The following PCDHA10 variants were observed in gnomAD, a reference collection of about 807,000 sequenced individuals.
The protein encoded by PCDHA10 is protocadherin alpha 10.
PCDHA10 carries 45 observed loss-of-function variants against 61.2 expected under a neutral mutation model. That is an observed-to-expected ratio of 0.74 (90% CI 0.58 to 0.94). The LOEUF (loss-of-function observed/expected upper bound fraction) is 0.94, where lower values mean the gene tolerates loss of function less well. Ranked by LOEUF, PCDHA10 falls within the 40% of genes least tolerant of loss-of-function variation. The pLI, the probability that PCDHA10 is intolerant of heterozygous loss-of-function variation, is 0.00. For missense variants in PCDHA10, 1,278 were observed against 1,236.2 expected (o/e 1.03, Z -0.51); for synonymous variants, 602 against 548.8 (o/e 1.10, Z -1.35).
intron 1 of PCDHA10, chr5:140,870,398 C>T: frequency 1.2e-6 from 2 of 1,614,234 alleles, no homozygotes; most frequent in Non-Finnish European, 1.7e-6. Context: ...GGGGGTTCGC[C>T]TTCTCTGTGG....
Position 140,982,278 on chromosome 5 carries a change from A to G in PCDHA10, c.2448-197A>G, listed in dbSNP as rs997424016. On this transcript the variant is annotated intron_variant, in intron 2 of 3. Transcript: ENST00000307360. ...ATGTGTGTTCCTGGAATAGTATAGC[A>G]GGCAATAAGTAAGTCAGCAATGCTT... 8.2e-6 allele frequency: 8 copies of G among 980,114 alleles called. No homozygotes were observed. In the South Asian group the frequency reaches 1.1e-4, roughly 14 times the overall value. The allele number at this position is 980,114 out of a possible 1,614,324, so 60.7% of individuals were successfully genotyped here.
chr5:140,933,064 A>G (rs2088836698), intron 1 of PCDHA10, among the ~76,000 whole-genome samples: 1 of 152,030 alleles, frequency 6.6e-6, no homozygotes, highest in African/African-American at 2.4e-5. Context: ...GATCCTGACT[A>G]AAGTATTATG....
intron 3 of PCDHA10, among the ~76,000 whole-genome samples, chr5:140,984,755 A>G (rs1554246508): frequency 6.6e-6 from 1 of 152,172 alleles, no homozygotes; most frequent in Admixed American, 6.5e-5. Flanking sequence ...TTTGAGTTGA[A>G]TTCTAATCCC....
At chr5:140,920,713 G>A (rs140720388) in intron 1 of PCDHA10, among the ~76,000 whole-genome samples, 41 of 152,140 alleles carry the variant, frequency 2.7e-4, no homozygotes, top group African/African-American at 9.6e-4. Context: ...GCATGGTGGT[G>A]TGCGCCTGCA....
chr5:140,910,055 T>A (rs1554194090), intron 1 of PCDHA10, among the ~76,000 whole-genome samples: 1 of 152,218 alleles, frequency 6.6e-6, no homozygotes, highest in Non-Finnish European at 1.5e-5. Flanking sequence ...TAATAAGTGA[T>A]CTTTTAACAG....
At chr5:140,883,331 T>C (rs782330597) in intron 1 of PCDHA10, 1 of 1,614,064 alleles carries the variant, frequency 6.2e-7, no homozygotes, top group East Asian at 2.2e-5. Flanking sequence ...CATCACTTCT[T>C]TGTCACTCCC....
chr5:140,869,737 C>T (rs781857700), intron 1 of PCDHA10: 4 of 1,613,276 alleles, frequency 2.5e-6, no homozygotes, highest in Admixed American at 1.7e-5. Context: ...TAATTTGCTG[C>T]TAACAGCTAC....
intron 1 of PCDHA10, among the ~76,000 whole-genome samples, chr5:140,907,826 C>T (rs1448630927): frequency 6.6e-6 from 1 of 152,192 alleles, no homozygotes; most frequent in Non-Finnish European, 1.5e-5. Context: ...TCATCCTATC[C>T]ACTTGTTTAT....
intron 1 of PCDHA10, chr5:140,862,685 C>A (rs782248340): frequency 7.2e-6 from 4 of 552,774 alleles, no homozygotes; most frequent in Non-Finnish European, 1.4e-5. Context: ...GTGCTGGTGT[C>A]CTACTCGTTG....
intron 1 of PCDHA10, among the ~76,000 whole-genome samples, chr5:140,940,172 C>T (rs1177302028): frequency 6.6e-6 from 1 of 152,102 alleles, no homozygotes; most frequent in Non-Finnish European, 1.5e-5. Flanking sequence ...AAATGTCATT[C>T]TTGATAGATA....
At chr5:140,891,888 T>C (rs1562860973) in intron 1 of PCDHA10, among the ~76,000 whole-genome samples, 1 of 152,212 alleles carries the variant, frequency 6.6e-6, no homozygotes, top group Non-Finnish European at 1.5e-5. Context: ...CATGTGACGA[T>C]GCAGCAAGAA....
At chr5:140,990,007 C>T (rs1188956345) in intron 3 of PCDHA10, among the ~76,000 whole-genome samples, 2 of 151,870 alleles carry the variant, frequency 1.3e-5, no homozygotes, top group African/African-American at 2.4e-5. Flanking sequence ...TCTCCAAGGG[C>T]GTGGGCTAGG....
At chr5:140,882,208 G>C (rs1554173113) in intron 1 of PCDHA10, 2 of 1,531,598 alleles carry the variant, frequency 1.3e-6, no homozygotes, top group East Asian at 4.5e-5. Flanking sequence ...GGCCTTGAGA[G>C]ACAGTTTGAG....
Position 140,856,437 on chromosome 5 carries a change from C to T in PCDHA10, c.389C>T (p.Pro130Leu), listed in dbSNP as rs2043996083. The change falls in exon 1 of 4, where the codon CCC becomes CTC. Residue 130 changes from proline (P) to leucine (L), a missense_variant. Physicochemically the swap from Pro to Leu is moderately conservative, Grantham distance 98. Coordinates refer to ENST00000307360, the MANE Select transcript of PCDHA10 (RefSeq NM_018901.4). Reference protein sequence around the residue: ...VEVKDINDNPPRFSVTEQKLS... With the variant: ...VEVKDINDNPLRFSVTEQKLS... The stretch of plus-strand genomic sequence containing the variant: ...GTGAAGGACATTAACGACAACCCGC[C>T]CAGGTTCTCCGTAACAGAACAAAAG... 1.9e-6 allele frequency: 3 copies of T among 1,598,304 alleles called. No individual in the cohort carries two copies. Among genetic ancestry groups the T allele is most frequent in the Non-Finnish European group, 1.7e-6 (2 of 1,167,916 alleles).
At chr5:140,950,458 A>G (rs568340492) in intron 1 of PCDHA10, among the ~76,000 whole-genome samples, 5 of 152,142 alleles carry the variant, frequency 3.3e-5, no homozygotes, top group Admixed American at 2.6e-4. Flanking sequence ...CTGTCTTCTA[A>G]TGCTCATAGT....
intron 1 of PCDHA10, among the ~76,000 whole-genome samples, chr5:140,892,088 C>T (rs782787174): frequency 1.3e-5 from 2 of 152,122 alleles, no homozygotes; most frequent in Non-Finnish European, 2.9e-5. Flanking sequence ...AGTTTCCTCT[C>T]GAAACTTTCA....
At chr5:140,948,313 G>T (rs1554218515) in intron 1 of PCDHA10, among the ~76,000 whole-genome samples, 2 of 151,362 alleles carry the variant, frequency 1.3e-5, no homozygotes, top group Non-Finnish European at 3.0e-5. Flanking sequence ...TCTTCTTGAG[G>T]GGTAATGTTT....
At chr5:140,914,023 G>A (rs1434570010) in intron 1 of PCDHA10, among the ~76,000 whole-genome samples, 5 of 152,112 alleles carry the variant, frequency 3.3e-5, no homozygotes, top group African/African-American at 7.2e-5. Context: ...AATGATCCAC[G>A]TGCTGAGAAG....
At chr5:140,892,894 TC>T (rs1198816126) in intron 1 of PCDHA10, among the ~76,000 whole-genome samples, 8 of 152,158 alleles carry the variant, frequency 5.3e-5, no homozygotes, top group Non-Finnish European at 7.4e-5. Context: ...AACCAACCTT[TC>T]CCCATCCTCC....
Sources: allele counts gnomAD v4.1 joint callset (sites outside exome capture counted in the v4.1 genomes callset), GRCh38; gene constraint gnomAD v4.1.1; transcripts MANE v1.5; gene names NCBI Gene and HGNC (gene_info 2026-07-23, HGNC 2026-07-21).